The following CELSR2 variants were observed in gnomAD, a reference collection of about 807,000 sequenced individuals.
The protein encoded by CELSR2 is EGF-like protein 2.
Under a neutral mutation model 251.6 loss-of-function variants are expected in CELSR2, and 81 were observed. That is an observed-to-expected ratio of 0.32 (90% CI 0.27 to 0.39). The LOEUF is 0.39. CELSR2 is among the 10% of genes least tolerant of loss of function. The pLI, the probability that CELSR2 is intolerant of heterozygous loss-of-function variation, is 1.00. For missense variants in CELSR2, 3,365 were observed against 3,947.7 expected (o/e 0.85, Z 3.96); for synonymous variants, 1,721 against 1,670.5 (o/e 1.03, Z -0.74).
At chr1:109,264,680 A>G in intron 11 of CELSR2, 52 bp downstream of exon 11, 2 of 1,593,240 alleles carry the variant, frequency 1.3e-6, no homozygotes. Flanking sequence ...CTGGGGCCAC[A>G]TGCTGGCTCT....
At position 109,250,409 on chromosome 1, in the gene CELSR2, C is replaced by T; in HGVS notation, c.330C>T (p.Cys110=). The part of the protein sequence containing the change: ...HIPLPPAPEG[C]PWSCRLLGIG... ...CCCTACCACCAGCTCCTGAAGGCTG[C>T]CCCTGGAGCTGTCGCCTCCTGGGCA... The change falls in exon 1 of 34, where the codon TGC becomes TGT. Residue 110 remains cysteine, a synonymous_variant. Coordinates refer to ENST00000271332, the MANE Select transcript of CELSR2 (RefSeq NM_001408.3). The surrounding 1 kb of genome is among the most constrained non-coding windows in gnomAD (Gnocchi z 4.4). The T allele has an allele frequency of 6.2e-7, 1 of 1,613,596 alleles. No individual in the cohort carries two copies. Among genetic ancestry groups the T allele is most frequent in the Non-Finnish European group, 8.5e-7 (1 of 1,180,016 alleles).
intron 23 of CELSR2, 96 bp downstream of exon 23, chr1:109,270,229 A>T: frequency 7.3e-7 from 1 of 1,376,514 alleles, no homozygotes; most frequent in South Asian, 1.2e-5. Context: ...ATGAACTCTA[A>T]TAAGGTGCCT....
At position 109,258,017 on chromosome 1, in the gene CELSR2, T is replaced by A. The variant is rs573261582; in HGVS notation, c.3311-415T>A. Among the ~76,000 whole-genome samples the A allele has an allele frequency of 3.9e-5, 6 of 152,146 alleles. No homozygotes were observed. In the South Asian group the frequency reaches 1.0e-3, roughly 26 times the overall value. ...GGGGGAGTGGGGAACACAGCCATGGTTGCGATTATCGTGGTGTTGAGGTGT... is the reference window on the plus strand; with the variant it reads ...GGGGGAGTGGGGAACACAGCCATGGATGCGATTATCGTGGTGTTGAGGTGT... On this transcript the variant is annotated intron_variant, in intron 1 of 33. Coordinates refer to ENST00000271332, the MANE Select transcript of CELSR2 (RefSeq NM_001408.3).
Position 109,252,196 on chromosome 1 carries a change from A to AC in CELSR2, c.2118dup (p.Thr707HisfsTer16). ...ATTGTGGTGAATGTCACCGACGCCA[A>AC]CACCCATCGTCCTGTCTTTCAGAGC... On this transcript the variant is annotated frameshift_variant, in exon 1 of 34. Coordinates refer to ENST00000271332, the MANE Select transcript of CELSR2 (RefSeq NM_001408.3). LOFTEE classifies it high-confidence loss of function. The surrounding 1 kb of genome is among the most constrained non-coding windows in gnomAD (Gnocchi z 4.8). 6.2e-7 allele frequency: 1 copy of AC among 1,613,802 alleles called. No homozygotes were observed. The highest frequency in any genetic ancestry group is 2.2e-5 in the East Asian group (1 of 44,878).
intron 24 of CELSR2, 128 bp from the exon 25 acceptor site, chr1:109,270,798 TA>T: frequency 9.2e-6 from 9 of 980,502 alleles, no homozygotes; most frequent in Non-Finnish European, 1.2e-5. Flanking sequence ...GGGAGATCGG[TA>T]GGGGCCGATG....
At position 109,252,882 on chromosome 1, in the gene CELSR2, C is replaced by G; in HGVS notation, c.2803C>G (p.Pro935Ala). 6.2e-7 allele frequency: 1 copy of G among 1,612,872 alleles called. No homozygotes were observed. Among genetic ancestry groups the G allele is most frequent in the East Asian group, 2.2e-5 (1 of 44,868 alleles). ...TGATGTGTTTGTGGAAGAGAACAGCCCCATTGGGCTAGCCGTGGCCCGGGT... is the reference window on the plus strand; with the variant it reads ...TGATGTGTTTGTGGAAGAGAACAGCGCCATTGGGCTAGCCGTGGCCCGGGT... ...EFDVFVEENS[P>A]IGLAVARVTA... Residue 935 changes from proline (P) to alanine (A), a missense_variant, in exon 1 of 34, where the codon CCC becomes GCC. Pro to Ala is a conservative substitution (Grantham distance 27). Around this residue, in one of 5 missense-constraint regions of CELSR2, gnomAD observed 505 missense variants for 660.0 expected, o/e 0.77. Coordinates refer to ENST00000271332, the MANE Select transcript of CELSR2 (RefSeq NM_001408.3). This position sits in a 1 kb window ranked among gnomAD's most constrained non-coding sequence, Gnocchi z 4.8.
intron 1 of CELSR2, 98 bp downstream of exon 1, chr1:109,253,487 A>G: frequency 1.4e-6 from 2 of 1,481,030 alleles, no homozygotes; most frequent in South Asian, 2.7e-5. Context: ...GCAGCTACAG[A>G]TCCACCTCCC....
intron 33 of CELSR2, 33 bp downstream of exon 33, chr1:109,273,703 A>C (rs1198313481): frequency 8.6e-6 from 12 of 1,388,054 alleles, no homozygotes; most frequent in Non-Finnish European, 1.2e-5. Flanking sequence ...GACGGGGTGC[A>C]GCCCCTCGGA....
chr1:109,260,957 G>T, intron 2 of CELSR2, 85 bp from the exon 3 acceptor site: 1 of 1,030,190 alleles, frequency 9.7e-7, no homozygotes. Flanking sequence ...GGGAGGCCAT[G>T]GGAGCTATCA....
Position 109,271,391 on chromosome 1 carries a change from G to T in CELSR2, c.7682G>T (p.Gly2561Val). Residue 2561 changes from glycine to valine, a missense_variant, in exon 27 of 34, where the codon GGC (glycine) becomes GTC (valine). Transcript: ENST00000271332. ...QGFEKKGPVS[G>V]LQPSFAVLLL... The stretch of plus-strand genomic sequence containing the variant: ...TGGCCTGTCCCTATCCCCAGCTCGG[G>T]CCTGCAGCCCTCCTTCGCCGTCCTC... 6.2e-7 allele frequency: 1 copy of T among 1,612,822 alleles called. No individual in the cohort carries two copies. Among genetic ancestry groups the T allele is most frequent in the African/African-American group, 1.3e-5 (1 of 74,632 alleles).
chr1:109,273,865 C>A, intron 33 of CELSR2, 157 bp from the exon 34 acceptor site: 2 of 1,163,722 alleles, frequency 1.7e-6, no homozygotes, highest in South Asian at 1.3e-5. Context: ...CTCCTAGGCT[C>A]TACGCGGCGC....
Position 109,269,959 on chromosome 1 carries a change from A to G in CELSR2, c.7134A>G (p.Thr2378=), listed in dbSNP as rs1463810543. 9 of 1,614,044 alleles carry G rather than the reference A, an allele frequency of 5.6e-6. No individual in the cohort carries two copies. Among genetic ancestry groups the G allele is most frequent in the South Asian group, 1.1e-5 (1 of 91,078 alleles). The change falls in exon 23 of 34, where the codon ACA becomes ACG. Residue 2378 remains threonine, a synonymous_variant. Transcript: ENST00000271332. The surrounding 1 kb of genome is among the most constrained non-coding windows in gnomAD (Gnocchi z 6.4). ...RENGEILPLK[T]LTYVALGVTL... is the part of the protein sequence containing the mutation. ...ATGGGGAGATCCTGCCACTGAAGAC[A>G]CTGACATACGTGGCTCTAGGTGTCA...
At chr1:109,253,508 C>G in intron 1 of CELSR2, 119 bp downstream of exon 1, 1 of 1,458,990 alleles carries the variant, frequency 6.9e-7, no homozygotes, top group South Asian at 1.4e-5. Flanking sequence ...TGCCCAGTGC[C>G]TGGCACAGAG....
At position 109,264,229 on chromosome 1, in the gene CELSR2, C is replaced by G. The variant is rs756935365; in HGVS notation, c.5153C>G (p.Ser1718Cys). ...ASGGPGHAIL[S>C]FDYGQQRAEG... The stretch of plus-strand genomic sequence containing the variant: ...GGGGGGCCCGGCCATGCCATTCTGT[C>G]CTTCGATTATGGGCAGCAGAGAGCA... Residue 1718 changes from serine (S) to cysteine (C), a missense_variant, in exon 10 of 34, where the codon TCC (serine) becomes TGC (cysteine). By Grantham distance (112) the Ser-to-Cys change is moderately radical. This residue lies in a region of CELSR2 where 2,093 missense variants were observed against 2,382.8 expected (regional missense o/e 0.88). Coordinates refer to ENST00000271332, the MANE Select transcript of CELSR2 (RefSeq NM_001408.3). The G allele has an allele frequency of 5.6e-6, 9 of 1,613,844 alleles. No individual in the cohort carries two copies. The highest frequency in any genetic ancestry group is 7.6e-6 in the Non-Finnish European group (9 of 1,180,032).
rs373549454 is a variant in CELSR2 at position 109,273,682 on chromosome 1, C to T, written c.8744+12C>T. The T allele has an allele frequency of 1.2e-4, 59 of 473,174 alleles. No individual in the cohort carries two copies. The highest frequency in any genetic ancestry group is 2.0e-4 in the Non-Finnish European group (53 of 263,172). 29.3% of individuals were successfully genotyped at this position (473,174 alleles called of 1,614,324 possible). On this transcript the variant is annotated intron_variant, in intron 33 of 33. Transcript: ENST00000271332. ...TCGTCAGGCTCCGAGTGAGTGTGGC[C>T]GGGTGGGCGGGACGGGGTGCAGCCC... is the stretch of plus-strand genomic sequence containing the variant.
Position 109,259,091 on chromosome 1 carries a change from G to A in CELSR2, c.3958+12G>A. Reference sequence around the variant, plus strand: ...TGATGGCTACACGGGTGAGCCAAGGGAGGGGACTCATGGGCCAGCCCTGGA... The same window carrying A: ...TGATGGCTACACGGGTGAGCCAAGGAAGGGGACTCATGGGCCAGCCCTGGA... On this transcript the variant is annotated intron_variant, in intron 2 of 33. Transcript: ENST00000271332. The A allele has an allele frequency of 6.4e-7, 1 of 1,557,654 alleles. No individual in the cohort carries two copies. Among genetic ancestry groups the A allele is most frequent in the Non-Finnish European group, 8.7e-7 (1 of 1,155,954 alleles).
intron 17 of CELSR2, among the ~76,000 whole-genome samples, 196 bp from the exon 18 acceptor site, chr1:109,268,385 G>A (rs549415598): frequency 6.6e-6 from 1 of 152,382 alleles, no homozygotes; most frequent in African/African-American, 2.4e-5. Context: ...AGAATGAGGA[G>A]GAGGGCTTAG....
Position 109,272,909 on chromosome 1 carries a change from A to G in CELSR2, c.8220A>G (p.Ser2740=), listed in dbSNP as rs1656413726. ...QSGSYASTHS[S]DSEEEEEEEE... is the part of the protein sequence containing the mutation. ...GCTCCTATGCCTCTACCCACTCATCAGACAGTGAGGAGGAAGAAGAGGAGG... is the reference window on the plus strand; with the variant it reads ...GCTCCTATGCCTCTACCCACTCATCGGACAGTGAGGAGGAAGAAGAGGAGG... Residue 2740 remains serine, a synonymous_variant, in exon 31 of 34, where the codon TCA becomes TCG. Transcript: ENST00000271332. The G allele has an allele frequency of 6.2e-7, 1 of 1,613,952 alleles. No homozygotes were observed. Among genetic ancestry groups the G allele is most frequent in the African/African-American group, 1.3e-5 (1 of 75,018 alleles).
In CELSR2 at chr1:109,273,659, G is replaced by T. The variant is rs773186442; in HGVS notation, c.8733G>T (p.Ser2911=). 6.9e-7 allele frequency: 1 copy of T among 1,458,706 alleles called. No homozygotes were observed. The highest frequency in any genetic ancestry group is 1.4e-5 in the South Asian group (1 of 73,174). 90.4% of individuals were successfully genotyped at this position (1,458,706 alleles called of 1,614,324 possible). Residue 2911 remains serine (S), a synonymous_variant, in exon 33 of 34, where the codon TCG becomes TCT. Coordinates refer to ENST00000271332, the MANE Select transcript of CELSR2 (RefSeq NM_001408.3). ...AGGCAGGCACGGTGGATGAGGACTC[G>T]TCAGGCTCCGAGTGAGTGTGGCCGG... ...SIKAGTVDED[S]SGSEFLFFNF... is the part of the protein sequence containing the mutation.
Sources: allele counts gnomAD v4.1 joint callset (sites outside exome capture counted in the v4.1 genomes callset), GRCh38; gene constraint gnomAD v4.1.1; regional missense constraint gnomAD v4.1.1; non-coding constraint Gnocchi (gnomAD v3.1); transcripts MANE v1.5; gene names NCBI Gene and HGNC (gene_info 2026-07-23, HGNC 2026-07-21).